VSIG10L2: variants seen among roughly 807,000 people sequenced by gnomAD.
VSIG10L2 encodes the protein V-set and immunoglobulin domain-containing protein 10-like 2.
In VSIG10L2, 56 loss-of-function variants were observed where a neutral mutation model predicts 67.1. That is an observed-to-expected ratio of 0.83 (90% CI 0.67 to 1.04). VSIG10L2 has a LOEUF of 1.04. Ranked by LOEUF, VSIG10L2 falls within the 50% of genes least tolerant of loss-of-function variation. The pLI is 0.00. For missense variants in VSIG10L2, 843 were observed against 932.8 expected (o/e 0.90, Z 1.25); for synonymous variants, 360 against 396.6 (o/e 0.91, Z 1.10).
chr11:125,950,834 C>T, intron 4 of VSIG10L2, 76 bp from the exon 5 acceptor site: 3 of 1,223,998 alleles, frequency 2.5e-6, no homozygotes, highest in Non-Finnish European at 3.1e-6. Flanking sequence ...GGCCTCCAGA[C>T]TCCCCTGCCT....
chr11:125,954,045 G>T, intron 7 of VSIG10L2, 42 bp from the exon 8 acceptor site: 1 of 1,226,518 alleles, frequency 8.2e-7, no homozygotes, highest in Non-Finnish European at 1.0e-6. Context: ...TCACGTGGTT[G>T]TAGGTATACA....
At position 125,947,697 on chromosome 11, in the gene VSIG10L2, C is replaced by A; in HGVS notation, c.94C>A (p.Pro32Thr). 1 of 1,232,286 alleles carries A rather than the reference C, an allele frequency of 8.1e-7. No homozygotes were observed. The highest frequency in any genetic ancestry group is 1.0e-6 in the Non-Finnish European group (1 of 988,126). 76.3% of individuals were successfully genotyped at this position (1,232,286 alleles called of 1,614,324 possible). ...CCTTCTCTCCCCAGGCCAGCCCCAC[C>A]CGACCCCCGAGGCCCCTGTAGAGGA... Reference protein sequence around the residue: ...LHLRASGQPHPTPEAPVEEVV... With the variant: ...LHLRASGQPHTTPEAPVEEVV... Residue 32 changes from proline to threonine, a missense_variant, in exon 2 of 12, where the codon CCG becomes ACG. By Grantham distance (38) the Pro-to-Thr change is conservative. This residue lies in a region of VSIG10L2 where 446 missense variants were observed against 548.4 expected (regional missense o/e 0.81). Transcript: ENST00000686984.
intron 4 of VSIG10L2, 118 bp from the exon 5 acceptor site, chr11:125,950,792 T>C (rs1945357404): frequency 2.0e-6 from 2 of 997,176 alleles, no homozygotes; most frequent in South Asian, 5.3e-5. Context: ...CCTAACCCAC[T>C]TCTCCCTGCT....
At chr11:125,951,208 G>A in intron 5 of VSIG10L2, 50 bp downstream of exon 5, 3 of 1,232,546 alleles carry the variant, frequency 2.4e-6, no homozygotes, top group Non-Finnish European at 3.0e-6. Context: ...GGCAGAGTGT[G>A]GGTAGAGGTC....
In VSIG10L2 at chr11:125,950,213, AG is replaced by A. The variant is rs1348016042; in HGVS notation, c.911del (p.Gly304AlafsTer43). On this transcript the variant is annotated frameshift_variant, in exon 4 of 12. Transcript: ENST00000686984. LOFTEE classifies it high-confidence loss of function. ...TCGCCAGAGCTGGCCGTGTCCACAC[AG>A]GCCTGTACACCTGCCTGGCCCGCAA... is the stretch of plus-strand genomic sequence containing the variant. ...VIARAGRVHT[G>X]LYTCLARNSY... is the part of the protein sequence containing the mutation. 5.7e-6 allele frequency: 7 copies of A among 1,232,288 alleles called. No individual in the cohort carries two copies. Among genetic ancestry groups the A allele is most frequent in the Non-Finnish European group, 7.1e-6 (7 of 988,150 alleles). The allele number at this position is 1,232,288 out of a possible 1,614,324, so 76.3% of individuals were successfully genotyped here. A position where few individuals can be genotyped will look rare whatever the true frequency, so the allele number is the denominator to read the frequency against.
chr11:125,950,243 C>G lies in VSIG10L2; in HGVS notation c.939C>G (p.Ser313Arg). 1.6e-6 allele frequency: 2 copies of G among 1,232,472 alleles called. No individual in the cohort carries two copies. Among genetic ancestry groups the G allele is most frequent in the Non-Finnish European group, 2.0e-6 (2 of 988,194 alleles). The allele number at this position is 1,232,472 out of a possible 1,614,324, so 76.3% of individuals were successfully genotyped here. A position where few individuals can be genotyped will look rare whatever the true frequency, so the allele number is the denominator to read the frequency against. Residue 313 changes from serine (S) to arginine (R), a missense_variant, in exon 4 of 12, where the codon AGC (serine) becomes AGG (arginine). Coordinates refer to ENST00000686984, the MANE Select transcript of VSIG10L2 (RefSeq NM_001365077.2). ...TGLYTCLARN[S>R]YLDTRTQTTV... ...TGTACACCTGCCTGGCCCGCAACAG[C>G]TACCTGGACACCCGCACCCAGACTA...
rs1000780221 is a variant in VSIG10L2, at chr11:125,948,039, G to A, written c.433+3G>A. ...CCACCTCACGCTGGCTGTGCTGGGTGAGGGCCTGGCCCCAGCTGCAGCTGG... is the reference window on the plus strand; with the variant it reads ...CCACCTCACGCTGGCTGTGCTGGGTAAGGGCCTGGCCCCAGCTGCAGCTGG... On this transcript the variant is annotated splice_donor_region_variant and intron_variant, in intron 2 of 11. Transcript: ENST00000686984. The A allele has an allele frequency of 2.1e-5, 26 of 1,232,622 alleles. No homozygotes were observed. The highest frequency in any genetic ancestry group is 2.6e-5 in the Non-Finnish European group (26 of 988,356). 76.4% of individuals were successfully genotyped at this position (1,232,622 alleles called of 1,614,324 possible).
rs1945465166 is a variant in VSIG10L2, at chr11:125,955,920, A to G, written c.*6A>G. On this transcript the variant is annotated 3_prime_UTR_variant, in exon 12 of 12. Coordinates refer to ENST00000686984, the MANE Select transcript of VSIG10L2 (RefSeq NM_001365077.2). Reference sequence around the variant, plus strand: ...CAGTGACTGCAACACCATAAGGCCCAAAGAGGAAGATGCAAATAGGCTTAG... The same window carrying G: ...CAGTGACTGCAACACCATAAGGCCCGAAGAGGAAGATGCAAATAGGCTTAG... The G allele has an allele frequency of 3.1e-6, 2 of 652,076 alleles. No homozygotes were observed. The highest frequency in any genetic ancestry group is 5.4e-5 in the East Asian group (2 of 36,954). The allele number at this position is 652,076 out of a possible 1,614,324, so 40.4% of individuals were successfully genotyped here.
In VSIG10L2 at chr11:125,946,258, G is replaced by A. The variant is rs1010482090; in HGVS notation, c.82+121G>A. 9.3e-5 allele frequency: 37 copies of A among 396,902 alleles called. No individual in the cohort carries two copies. The highest frequency in any genetic ancestry group is 5.4e-4 in the African/African-American group (26 of 48,596). The allele number at this position is 396,902 out of a possible 1,614,324, so 24.6% of individuals were successfully genotyped here. ...CATGAAGTCCGTTCAGTCATTCATC[G>A]GCTAGACATTTAACTAGCGTTCACT... On this transcript the variant is annotated intron_variant, in intron 1 of 11. Transcript: ENST00000686984. This position sits in a 1 kb window ranked among gnomAD's most constrained non-coding sequence, Gnocchi z 4.4.
chr11:125,955,010 G>C, intron 8 of VSIG10L2, 47 bp from the exon 9 acceptor site: 1 of 1,232,572 alleles, frequency 8.1e-7, no homozygotes, highest in Non-Finnish European at 1.0e-6. Context: ...TGTGGCCCAA[G>C]TTCTGCAGTG....
In VSIG10L2 at chr11:125,953,458, C is replaced by T. The variant is rs35545375; in HGVS notation, c.1554C>T (p.Ala518=). The change falls in exon 7 of 12, where the codon GCC becomes GCT. Residue 518 remains alanine (A), a synonymous_variant. Coordinates refer to ENST00000686984, the MANE Select transcript of VSIG10L2 (RefSeq NM_001365077.2). ...TGTCAGTGTTGGAGGGGGGAGAGGCCTGGCTGGAGTGCTCTCTCCGCGGGG... is the reference window on the plus strand; with the variant it reads ...TGTCAGTGTTGGAGGGGGGAGAGGCTTGGCTGGAGTGCTCTCTCCGCGGGG... ...PRVSVLEGGE[A]WLECSLRGGT... 242,988 of 1,232,074 alleles carry T rather than the reference C, an allele frequency of 0.2. 25,020 individuals carry two copies. Among genetic ancestry groups the T allele is most frequent in the East Asian group, 0.43 (13,580 of 31,664 alleles). 76.3% of individuals were successfully genotyped at this position (1,232,074 alleles called of 1,614,324 possible).
chr11:125,951,888 G>T lies in VSIG10L2; in HGVS notation c.1310G>T (p.Trp437Leu). 1 of 1,533,882 alleles carries T rather than the reference G, an allele frequency of 6.5e-7. No individual in the cohort carries two copies. The highest frequency in any genetic ancestry group is 8.7e-7 in the Non-Finnish European group (1 of 1,145,264). Residue 437 changes from tryptophan to leucine, a missense_variant, in exon 6 of 12, where the codon TGG becomes TTG. Physicochemically the swap from Trp to Leu is moderately conservative, Grantham distance 61. Transcript: ENST00000686984. ...CAGTTCATCATGCTGAGCTGCGAGT[G>T]GCCTGGCGGCGAGCCCCCTGCCACG... ...GDQFIMLSCE[W>L]PGGEPPATLG...
rs1374128397 is a variant in VSIG10L2, at chr11:125,956,121, G to A, written c.*207G>A. The stretch of plus-strand genomic sequence containing the variant: ...CAAGAGAAGCCCTGGCCCACCTTGT[G>A]GAAGACAGAGGTGGCAGGACAAGGA... On this transcript the variant is annotated 3_prime_UTR_variant, in exon 12 of 12. Transcript: ENST00000686984. 1 of 673,350 alleles carries A rather than the reference G, an allele frequency of 1.5e-6. No homozygotes were observed. Among genetic ancestry groups the A allele is most frequent in the East Asian group, 2.9e-5 (1 of 34,646 alleles). 41.7% of individuals were successfully genotyped at this position (673,350 alleles called of 1,614,324 possible).
In VSIG10L2 at chr11:125,953,522, C is replaced by G. The variant is rs2134307123; in HGVS notation, c.1618C>G (p.Gln540Glu). 2.4e-6 allele frequency: 3 copies of G among 1,232,252 alleles called. No homozygotes were observed. Among genetic ancestry groups the G allele is most frequent in the South Asian group, 8.2e-5 (2 of 24,320 alleles). The allele number at this position is 1,232,252 out of a possible 1,614,324, so 76.3% of individuals were successfully genotyped here. Reference protein sequence around the residue: ...PAQLLWLGPQQQKVDPGTSGF... With the variant: ...PAQLLWLGPQEQKVDPGTSGF... ...CCAGCTCCTCTGGCTGGGGCCTCAA[C>G]AACAAAAAGTGGACCCCGGCACTTC... The change falls in exon 7 of 12, where the codon CAA becomes GAA. Residue 540 changes from glutamine (Q) to glutamate (E), a missense_variant. Physicochemically the swap from Gln to Glu is conservative, Grantham distance 29. Around this residue, in one of 2 missense-constraint regions of VSIG10L2, gnomAD observed 397 missense variants for 384.4 expected, o/e 1.03. Coordinates refer to ENST00000686984, the MANE Select transcript of VSIG10L2 (RefSeq NM_001365077.2).
chr11:125,952,096 G>C, intron 6 of VSIG10L2, 23 bp downstream of exon 6: 1 of 1,519,638 alleles, frequency 6.6e-7, no homozygotes, highest in Non-Finnish European at 8.8e-7. Context: ...TAGCGAGTTT[G>C]TTCTGGGGCT....
At position 125,946,154 on chromosome 11, in the gene VSIG10L2, C is replaced by A. The variant is rs931809852; in HGVS notation, c.82+17C>A. On this transcript the variant is annotated intron_variant, in intron 1 of 11. Transcript: ENST00000686984. This position sits in a 1 kb window ranked among gnomAD's most constrained non-coding sequence, Gnocchi z 4.4. ...GGGCCTCAGGTGAGTGATACTCAGA[C>A]CCCCCAGGGGGTTCATTTCCCACTC... The A allele has an allele frequency of 8.5e-5, 34 of 398,962 alleles. No individual in the cohort carries two copies. Among genetic ancestry groups the A allele is most frequent in the African/African-American group, 7.0e-4 (34 of 48,704 alleles). The allele number at this position is 398,962 out of a possible 1,614,324, so 24.7% of individuals were successfully genotyped here.
chr11:125,950,374 C>A (rs1182481307), intron 4 of VSIG10L2, 85 bp downstream of exon 4: 2 of 1,214,374 alleles, frequency 1.6e-6, no homozygotes, highest in Non-Finnish European at 2.1e-6. Context: ...TGGGGCAGAC[C>A]CCGCCGTCCC....
At chr11:125,955,226 C>T in intron 9 of VSIG10L2, 47 bp downstream of exon 9, 1 of 1,262,918 alleles carries the variant, frequency 7.9e-7, no homozygotes, top group Non-Finnish European at 9.9e-7. Flanking sequence ...CACAGGGTGG[C>T]CAGGCCCTGA....
Position 125,953,605 on chromosome 11 carries a change from C to T in VSIG10L2, c.1701C>T (p.Asp567=). ...TGCGCCTGGGCATCTACGATGCTGACCCGGCACACCACAGGGGCACCTACC... is the reference window on the plus strand; with the variant it reads ...TGCGCCTGGGCATCTACGATGCTGATCCGGCACACCACAGGGGCACCTACC... ...AQLRLGIYDA[D]PAHHRGTYQC... is the part of the protein sequence containing the mutation. The change falls in exon 7 of 12, where the codon GAC becomes GAT. Residue 567 remains aspartate (D), a synonymous_variant. Transcript: ENST00000686984. 1 of 1,232,196 alleles carries T rather than the reference C, an allele frequency of 8.1e-7. No individual in the cohort carries two copies. The highest frequency in any genetic ancestry group is 1.0e-6 in the Non-Finnish European group (1 of 987,994). The allele number at this position is 1,232,196 out of a possible 1,614,324, so 76.3% of individuals were successfully genotyped here.
Sources: allele counts gnomAD v4.1 joint callset, GRCh38; gene constraint gnomAD v4.1.1; regional missense constraint gnomAD v4.1.1; non-coding constraint Gnocchi (gnomAD v3.1); transcripts MANE v1.5; gene names NCBI Gene and HGNC (gene_info 2026-07-23, HGNC 2026-07-21).